BRINP2: variants seen among roughly 807,000 people sequenced by gnomAD.
BRINP2 encodes the protein BMP/retinoic acid inducible neural specific 2, also known as BMP/retinoic acid-inducible neural-specific protein 2.
A neutral mutation model predicts 69.2 loss-of-function variants in BRINP2; 21 were observed. The observed-to-expected ratio is 0.30, with a 90% confidence interval of 0.22 to 0.44. The LOEUF is 0.44. BRINP2 is among the 20% of genes least tolerant of loss of function. The pLI, the probability that BRINP2 is intolerant of heterozygous loss-of-function variation, is 1.00. For synonymous variants in BRINP2, 380 were observed against 394.1 expected (o/e 0.96, Z 0.42); for missense variants, 877 against 986.0 (o/e 0.89, Z 1.48).
At chr1:177,206,429 G>T (rs561824667) in intron 1 of BRINP2, among the ~76,000 whole-genome samples, 2 of 152,340 alleles carry the variant, frequency 1.3e-5, no homozygotes, top group South Asian at 4.1e-4. Context: ...GGTAAATGGT[G>T]CTTTCCCTCT....
chr1:177,278,893 A>C (rs1651601108), intron 7 of BRINP2, 108 bp downstream of exon 7: 5 of 1,042,970 alleles, frequency 4.8e-6, no homozygotes, highest in Non-Finnish European at 7.1e-6. Context: ...GTGGTGACTC[A>C]CACATAGCCT....
intron 1 of BRINP2, among the ~76,000 whole-genome samples, chr1:177,227,369 A>G (rs1649728561): frequency 6.6e-6 from 1 of 152,244 alleles, no homozygotes; most frequent in Non-Finnish European, 1.5e-5. Context: ...ACAATATTTT[A>G]TAAAAGGAAT....
intron 1 of BRINP2, among the ~76,000 whole-genome samples, chr1:177,212,711 T>C (rs2102311999): frequency 6.6e-6 from 1 of 152,290 alleles, no homozygotes; most frequent in South Asian, 2.1e-4. Flanking sequence ...CATGTTACAA[T>C]CAGAGCTTTT....
At chr1:177,255,256 T>C (rs1196145821) in intron 2 of BRINP2, among the ~76,000 whole-genome samples, 1 of 152,244 alleles carries the variant, frequency 6.6e-6, no homozygotes, top group Non-Finnish European at 1.5e-5. Context: ...CTCTCCTTGC[T>C]AAATTTGTTT....
At chr1:177,237,750 T>C (rs1650074013) in intron 2 of BRINP2, among the ~76,000 whole-genome samples, 1 of 152,182 alleles carries the variant, frequency 6.6e-6, no homozygotes, top group Non-Finnish European at 1.5e-5. Context: ...AATAATTAAT[T>C]TTATTCATGA....
intron 1 of BRINP2, among the ~76,000 whole-genome samples, chr1:177,209,286 A>G (rs1046357823): frequency 1.3e-5 from 2 of 152,212 alleles, no homozygotes; most frequent in African/African-American, 4.8e-5. Flanking sequence ...CGACAAGCAC[A>G]GAAAGCATAT....
At chr1:177,217,817 A>G (rs1021578312) in intron 1 of BRINP2, among the ~76,000 whole-genome samples, 1 of 152,188 alleles carries the variant, frequency 6.6e-6, no homozygotes, top group Non-Finnish European at 1.5e-5. Context: ...CTGTTTGGCA[A>G]GATCACTGGC....
At chr1:177,222,895 G>A (rs1649580410) in intron 1 of BRINP2, among the ~76,000 whole-genome samples, 1 of 152,140 alleles carries the variant, frequency 6.6e-6, no homozygotes, top group South Asian at 2.1e-4. Flanking sequence ...GCCGCAAGGA[G>A]TGGCTGGGGT....
chr1:177,196,864 A>G (rs966144792), intron 1 of BRINP2, among the ~76,000 whole-genome samples: 2 of 152,048 alleles, frequency 1.3e-5, no homozygotes, highest in Admixed American at 6.6e-5. Flanking sequence ...GGCTCAGAGA[A>G]CTCACTCTTA....
At position 177,202,991 on chromosome 1, in the gene BRINP2, G is replaced by A. The variant is rs573390614; in HGVS notation, c.-76-26810G>A. ...CCCATTACTGGGTATATACCCAAAG[G>A]ATTATAAATCATGCTGCTATAAAGA... On this transcript the variant is annotated intron_variant, in intron 1 of 7. Coordinates refer to ENST00000361539, the MANE Select transcript of BRINP2 (RefSeq NM_021165.4). Among the ~76,000 whole-genome samples, 772 of 152,118 alleles carry A rather than the reference G, an allele frequency of 5.1e-3. 10 individuals are homozygous for A. Among genetic ancestry groups the A allele is most frequent in the African/African-American group, 0.018 (740 of 41,468 alleles).
At chr1:177,201,234 G>C (rs948382863) in intron 1 of BRINP2, among the ~76,000 whole-genome samples, 1 of 152,098 alleles carries the variant, frequency 6.6e-6, no homozygotes, top group Admixed American at 6.5e-5. Flanking sequence ...AATAGAACTG[G>C]ACATCTAAGA....
chr1:177,252,252 A>T (rs1650607238), intron 2 of BRINP2, among the ~76,000 whole-genome samples: 1 of 152,232 alleles, frequency 6.6e-6, no homozygotes, highest in Non-Finnish European at 1.5e-5. Context: ...AGATAAATAA[A>T]GCTACACAGC....
intron 4 of BRINP2, among the ~76,000 whole-genome samples, chr1:177,264,305 A>G (rs1446566497): frequency 6.6e-6 from 1 of 152,150 alleles, no homozygotes; most frequent in Non-Finnish European, 1.5e-5. Flanking sequence ...GATTTAACGC[A>G]TCTCACAATA....
intron 2 of BRINP2, among the ~76,000 whole-genome samples, chr1:177,246,125 C>G (rs1416933495): frequency 6.6e-6 from 1 of 152,192 alleles, no homozygotes; most frequent in Non-Finnish European, 1.5e-5. Flanking sequence ...GTTCTTGTGT[C>G]TCTAAGAATT....
chr1:177,242,538 C>T (rs1048792602), intron 2 of BRINP2, among the ~76,000 whole-genome samples: 23 of 152,140 alleles, frequency 1.5e-4, no homozygotes, highest in African/African-American at 5.1e-4. Flanking sequence ...TCCTTCTCAC[C>T]TTTCAAACTC....
chr1:177,243,307 G>C (rs1038412092), intron 2 of BRINP2, among the ~76,000 whole-genome samples: 2 of 152,176 alleles, frequency 1.3e-5, no homozygotes, highest in African/African-American at 4.8e-5. Flanking sequence ...ACTGTAGCTT[G>C]AGTTAATCTA....
chr1:177,225,281 C>A (rs1649663296), intron 1 of BRINP2, among the ~76,000 whole-genome samples: 1 of 152,158 alleles, frequency 6.6e-6, no homozygotes, highest in African/African-American at 2.4e-5. Context: ...ATGCAGTTAA[C>A]AAAGGAAAAC....
chr1:177,278,292 C>G (rs1651567047), intron 6 of BRINP2, among the ~76,000 whole-genome samples: 2 of 151,436 alleles, frequency 1.3e-5, no homozygotes, highest in Non-Finnish European at 2.9e-5. Context: ...GGAACTCTGG[C>G]CCCTCTGAGG....
chr1:177,182,004 G>A (rs1332326341), intron 1 of BRINP2, among the ~76,000 whole-genome samples: 1 of 152,210 alleles, frequency 6.6e-6, no homozygotes, highest in Non-Finnish European at 1.5e-5. Context: ...GACAGCAGGG[G>A]AGCCATGTGT....
Sources: allele counts gnomAD v4.1 joint callset (sites outside exome capture counted in the v4.1 genomes callset), GRCh38; gene constraint gnomAD v4.1.1; transcripts MANE v1.5; gene names NCBI Gene and HGNC (gene_info 2026-07-23, HGNC 2026-07-21).